The following AP3M2 variants were observed in gnomAD, a reference collection of about 807,000 sequenced individuals.
The protein encoded by AP3M2 is adaptor related protein complex 3 subunit mu 2.
In AP3M2, 28 loss-of-function variants were observed where a neutral mutation model predicts 41.6. That is an observed-to-expected ratio of 0.67 (90% CI 0.50 to 0.92). AP3M2 has a LOEUF of 0.92. AP3M2 is among the 40% of genes least tolerant of loss of function. AP3M2 has a pLI of 0.00. For missense variants in AP3M2, 427 were observed against 521.4 expected (o/e 0.82, Z 1.76); for synonymous variants, 193 against 186.4 (o/e 1.04, Z -0.29).
chr8:42,167,455 T>G, intron 7 of AP3M2, 84 bp downstream of exon 7: 5 of 1,522,266 alleles, frequency 3.3e-6, no homozygotes, highest in Non-Finnish European at 3.6e-6. Context: ...TAGACCTTGT[T>G]TGGAAGGTGA....
At position 42,169,675 on chromosome 8, in the gene AP3M2, A is replaced by G. The variant is rs531873862; in HGVS notation, c.*614A>G. On this transcript the variant is annotated 3_prime_UTR_variant, in exon 9 of 9. Coordinates refer to ENST00000396926, the MANE Select transcript of AP3M2 (RefSeq NM_006803.4). ...GTAGAAAACACTTGTACTTCTGGAA[A>G]TGGACTGGAGACTTTTTAAATTTGA... 1.5e-4 allele frequency: 23 copies of G among 152,276 alleles called. 1 individual carries two copies. Among genetic ancestry groups the G allele is most frequent in the African/African-American group, 5.3e-4 (22 of 41,558 alleles). 9.4% of individuals were successfully genotyped at this position (152,276 alleles called of 1,614,324 possible).
rs1210343331 is a variant in AP3M2 at position 42,170,247 on chromosome 8, CTT to C, written c.*1189_*1190del. The C allele has an allele frequency of 6.6e-6, 1 of 152,208 alleles. No individual in the cohort carries two copies. The highest frequency in any genetic ancestry group is 2.4e-5 in the African/African-American group (1 of 41,452). 9.4% of individuals were successfully genotyped at this position (152,208 alleles called of 1,614,324 possible). On this transcript the variant is annotated 3_prime_UTR_variant, in exon 9 of 9. Coordinates refer to ENST00000396926, the MANE Select transcript of AP3M2 (RefSeq NM_006803.4). ...AAAGTTATCATTTCCTCAGTCTTTT[CTT>C]TTGTACTCCTATCATGTATTCATTA...
chr8:42,167,091 A>C, intron 6 of AP3M2, 73 bp from the exon 7 acceptor site: 1 of 1,368,678 alleles, frequency 7.3e-7, no homozygotes, highest in Non-Finnish European at 1.0e-6. Flanking sequence ...GGGCAGAAAA[A>C]GCATCATGTG....
At position 42,162,300 on chromosome 8, in the gene AP3M2, C is replaced by G; in HGVS notation, c.465C>G (p.Asp155Glu). 6.2e-7 allele frequency: 1 copy of G among 1,611,540 alleles called. No homozygotes were observed. Among genetic ancestry groups the G allele is most frequent in the Non-Finnish European group, 8.5e-7 (1 of 1,178,906 alleles). ...NTITGSTNVG[D>E]QLPTGQLSVV... Reference sequence around the variant, plus strand: ...CCTCAGGAAGCACGAATGTGGGTGACCAGCTTCCCACTGGGCAGCTGTCAG... The same window carrying G: ...CCTCAGGAAGCACGAATGTGGGTGAGCAGCTTCCCACTGGGCAGCTGTCAG... The change falls in exon 4 of 9, where the codon GAC (aspartate) becomes GAG (glutamate). Residue 155 changes from aspartate to glutamate, a missense_variant. Around this residue, in one of 3 missense-constraint regions of AP3M2, gnomAD observed 86 missense variants for 142.6 expected, o/e 0.60. Transcript: ENST00000396926.
Position 42,158,117 on chromosome 8 carries a change from G to A in AP3M2, c.445+5G>A, listed in dbSNP as rs868356192. The A allele has an allele frequency of 4.3e-5, 69 of 1,611,126 alleles. No individual in the cohort carries two copies. Among genetic ancestry groups the A allele is most frequent in the Middle Eastern group, 3.3e-4 (2 of 6,074 alleles). ...CGGTTGTCAACACCATCACAGGTAC[G>A]GCAGAGGGGGAAACTGATAGATAGT... On this transcript the variant is annotated splice_donor_5th_base_variant and intron_variant, in intron 3 of 8. Coordinates refer to ENST00000396926, the MANE Select transcript of AP3M2 (RefSeq NM_006803.4).
chr8:42,168,097 G>C, intron 8 of AP3M2: 1 of 559,346 alleles, frequency 1.8e-6, no homozygotes, highest in Non-Finnish European at 3.3e-6. Context: ...ATCATCTTAG[G>C]GTTGTTCATT....
In AP3M2 at chr8:42,154,822, G is replaced by A. The variant is rs1026602662; in HGVS notation, c.135G>A (p.Val45=). The stretch of plus-strand genomic sequence containing the variant: ...AGAGAGCTACTGAGGCAGAAAATGT[G>A]CCTCCGGTTATCCCTACCCCTCACC... ...AQERATEAEN[V]PPVIPTPHHY... The change falls in exon 2 of 9, where the codon GTG becomes GTA. Residue 45 remains valine (V), a synonymous_variant. Transcript: ENST00000396926. 5.0e-6 allele frequency: 8 copies of A among 1,613,990 alleles called. No homozygotes were observed. Among genetic ancestry groups the A allele is most frequent in the Non-Finnish European group, 6.8e-6 (8 of 1,180,028 alleles).
At chr8:42,158,856 C>A (rs1036964005) in intron 3 of AP3M2, among the ~76,000 whole-genome samples, 1 of 149,412 alleles carries the variant, frequency 6.7e-6, no homozygotes, top group Admixed American at 6.7e-5. Context: ...TGCAGTGGTG[C>A]GATCTCAACT....
At chr8:42,164,669 T>C (rs1326283866) in intron 4 of AP3M2, among the ~76,000 whole-genome samples, 1 of 152,184 alleles carries the variant, frequency 6.6e-6, no homozygotes, top group Non-Finnish European at 1.5e-5. Flanking sequence ...GAGTGACCAC[T>C]CACTTTAGCA....
Position 42,168,305 on chromosome 8 carries a change from T to C in AP3M2, c.1156+495T>C, listed in dbSNP as rs1414550136. The C allele has an allele frequency of 6.8e-5, 30 of 441,960 alleles. 1 individual carries two copies. The Admixed American group carries it at 6.9e-4, about 10-fold the overall frequency. The allele number at this position is 441,960 out of a possible 1,614,324, so 27.4% of individuals were successfully genotyped here. ...GCACGGTAGTCATCAGTTACCACTTTGGGGGCATTTACCATGTTCCAGGCA... is the reference window on the plus strand; with the variant it reads ...GCACGGTAGTCATCAGTTACCACTTCGGGGGCATTTACCATGTTCCAGGCA... On this transcript the variant is annotated intron_variant, in intron 8 of 8. Coordinates refer to ENST00000396926, the MANE Select transcript of AP3M2 (RefSeq NM_006803.4).
At chr8:42,161,891 A>C (rs576254705) in intron 3 of AP3M2, among the ~76,000 whole-genome samples, 1 of 152,296 alleles carries the variant, frequency 6.6e-6, no homozygotes, top group African/African-American at 2.4e-5. Context: ...TGTACCTAAG[A>C]ACCTATCTCA....
At chr8:42,168,754 C>T (rs1804706821) in intron 8 of AP3M2, among the ~76,000 whole-genome samples, 1 of 152,168 alleles carries the variant, frequency 6.6e-6, no homozygotes, top group African/African-American at 2.4e-5. Context: ...AGGGACAGGT[C>T]TTCTCATAGG....
In AP3M2 at chr8:42,170,142, C is replaced by T. The variant is rs565055161; in HGVS notation, c.*1081C>T. On this transcript the variant is annotated 3_prime_UTR_variant, in exon 9 of 9. Coordinates refer to ENST00000396926, the MANE Select transcript of AP3M2 (RefSeq NM_006803.4). The stretch of plus-strand genomic sequence containing the variant: ...ACCAGATCGTAACCTTCCCGTTGGT[C>T]GGAAACTTTTCCATCTGTCGCCCTA... 2.6e-5 allele frequency: 4 copies of T among 152,286 alleles called. No individual in the cohort carries two copies. Among genetic ancestry groups the T allele is most frequent in the South Asian group, 4.1e-4 (2 of 4,830 alleles). The allele number at this position is 152,286 out of a possible 1,614,324, so 9.4% of individuals were successfully genotyped here. A position where few individuals can be genotyped will look rare whatever the true frequency, so the allele number is the denominator to read the frequency against.
In AP3M2 at chr8:42,154,661, T is replaced by C. The variant is rs1399496967; in HGVS notation, c.-27T>C. On this transcript the variant is annotated 5_prime_UTR_variant, in exon 2 of 9. Coordinates refer to ENST00000396926, the MANE Select transcript of AP3M2 (RefSeq NM_006803.4). ...CTGAGGCTTTCAGACTGAAAAAGGC[T>C]TTCTTCTGTCACTGACAATCGCCAC... 1 of 1,609,334 alleles carries C rather than the reference T, an allele frequency of 6.2e-7. No homozygotes were observed. The highest frequency in any genetic ancestry group is 8.5e-7 in the Non-Finnish European group (1 of 1,177,590).
chr8:42,165,313 C>G, intron 5 of AP3M2, 114 bp from the exon 6 acceptor site: 1 of 1,402,140 alleles, frequency 7.1e-7, no homozygotes, highest in South Asian at 1.3e-5. Flanking sequence ...TACATGATTT[C>G]TGTGTGTGTG....
Position 42,165,422 on chromosome 8 carries a change from T to G in AP3M2, c.670-5T>G, listed in dbSNP as rs1244729117. On this transcript the variant is annotated splice_polypyrimidine_tract_variant and splice_region_variant and intron_variant, in intron 5 of 8. Transcript: ENST00000396926. ...TTCTTGCTTCTCCTCTCCTGATGAC[T>G]GTAGAACCCTAGGTTGTTGGATGAT... The G allele has an allele frequency of 6.2e-7, 1 of 1,613,954 alleles. No individual in the cohort carries two copies. Among genetic ancestry groups the G allele is most frequent in the Non-Finnish European group, 8.5e-7 (1 of 1,179,992 alleles).
At chr8:42,158,217 T>C (rs1804410274) in intron 3 of AP3M2, 105 bp downstream of exon 3, 1 of 1,191,196 alleles carries the variant, frequency 8.4e-7, no homozygotes, top group Non-Finnish European at 1.2e-6. Flanking sequence ...GGATCTCAGG[T>C]GTCCCAGTGC....
rs142848011 is a variant in AP3M2 at position 42,160,005 on chromosome 8, G to GGAAAGATAAAATGTGTCCTAC, written c.445+1894_445+1914dup. Among the ~76,000 whole-genome samples the GGAAAGATAAAATGTGTCCTAC allele has an allele frequency of 5.6e-3, 847 of 152,110 alleles. 8 individuals carry two copies. The highest frequency in any genetic ancestry group is 0.012 in the Admixed American group (189 of 15,280). On this transcript the variant is annotated intron_variant, in intron 3 of 8. Transcript: ENST00000396926. ...TTTGAAAATAATATTTTTAAAAAGA[G>GGAAAGATAAAATGTGTCCTAC]GAAAGATAAAATGTGTCCTACCAGA...
chr8:42,163,351 A>G (rs1804559556), intron 4 of AP3M2, among the ~76,000 whole-genome samples: 1 of 152,258 alleles, frequency 6.6e-6, no homozygotes, highest in Non-Finnish European at 1.5e-5. Flanking sequence ...AACTTATTAA[A>G]TTCAACAGAT....
Sources: allele counts gnomAD v4.1 joint callset (sites outside exome capture counted in the v4.1 genomes callset), GRCh38; gene constraint gnomAD v4.1.1; regional missense constraint gnomAD v4.1.1; transcripts MANE v1.5; gene names NCBI Gene and HGNC (gene_info 2026-07-23, HGNC 2026-07-21).